The following RBM44 variants were observed in gnomAD, a reference collection of about 807,000 sequenced individuals.
RBM44 encodes the protein RNA binding motif protein 44, also known as RNA-binding protein 44.
Under a neutral mutation model 105.1 loss-of-function variants are expected in RBM44, and 66 were observed. The observed-to-expected ratio is 0.63, with a 90% CI of 0.52 to 0.77. The LOEUF is 0.77. Among genes scored for constraint, RBM44 ranks in the 30% least tolerant of loss-of-function variants. The pLI is 0.00. For missense variants in RBM44, 1,122 were observed against 1,207.8 expected (o/e 0.93, Z 1.05); for synonymous variants, 365 against 417.6 (o/e 0.87, Z 1.54).
chr2:237,812,037 G>T (rs894787244), intron 1 of RBM44, among the ~76,000 whole-genome samples: 2 of 152,008 alleles, frequency 1.3e-5, no homozygotes, highest in African/African-American at 4.8e-5. Flanking sequence ...TGTATTTTTA[G>T]TAGAGACAAG....
chr2:237,818,590 AAAT>A lies in RBM44; in HGVS notation c.1674_1676del (p.Asn558del), dbSNP rs754880069. The A allele has an allele frequency of 6.5e-5, 98 of 1,508,194 alleles. No individual in the cohort carries two copies. The African/African-American group carries it at 1.2e-3, about 19-fold the overall frequency. The allele number at this position is 1,508,194 out of a possible 1,614,324, so 93.4% of individuals were successfully genotyped here. A position where few individuals can be genotyped will look rare whatever the true frequency, so the allele number is the denominator to read the frequency against. Reference sequence around the variant, plus strand: ...GTTTAAAACCTAATGGAAATTTTCTAAATAAGGTAAAATCAATATGAGTAATAA... The same window carrying A: ...GTTTAAAACCTAATGGAAATTTTCTAAAGGTAAAATCAATATGAGTAATAA... On this transcript the variant is annotated inframe_deletion, in exon 3 of 16. Coordinates refer to ENST00000316997, the MANE Select transcript of RBM44 (RefSeq NM_001080504.3). The surrounding 1 kb of genome is among the most constrained non-coding windows in gnomAD (Gnocchi z 4.6).
At chr2:237,827,409 A>T (rs1226919174) in intron 11 of RBM44, 24 bp from the exon 12 acceptor site, 1 of 1,489,764 alleles carries the variant, frequency 6.7e-7, no homozygotes, top group Non-Finnish European at 9.1e-7. Context: ...TACCTTTCAC[A>T]AACTTTTATT....
chr2:237,824,877 G>GT (rs1280620518), intron 10 of RBM44, among the ~76,000 whole-genome samples: 2 of 152,102 alleles, frequency 1.3e-5, no homozygotes, highest in African/African-American at 4.8e-5. Flanking sequence ...GCTTAGAATA[G>GT]TTATAATTTT....
chr2:237,818,481 G>T lies in RBM44; in HGVS notation c.1562G>T (p.Ser521Ile). ...GAGAAACAAAAAAGTGTGGCTTGTA[G>T]TACAGATTGGTCATACAGTGAAGAT... ...QNEKQKSVAC[S>I]TDWSYSEDCI... Residue 521 changes from serine (S) to isoleucine (I), a missense_variant, in exon 3 of 16, where the codon AGT (serine) becomes ATT (isoleucine). Ser to Ile is a moderately radical substitution (Grantham distance 142). Coordinates refer to ENST00000316997, the MANE Select transcript of RBM44 (RefSeq NM_001080504.3). The surrounding 1 kb of genome is among the most constrained non-coding windows in gnomAD (Gnocchi z 4.6). 1 of 1,612,636 alleles carries T rather than the reference G, an allele frequency of 6.2e-7. No individual in the cohort carries two copies. The highest frequency in any genetic ancestry group is 8.5e-7 in the Non-Finnish European group (1 of 1,179,284).
chr2:237,805,184 A>G (rs984625807), intron 1 of RBM44, among the ~76,000 whole-genome samples: 7 of 152,224 alleles, frequency 4.6e-5, no homozygotes. Context: ...TAGCATTTAT[A>G]TACGCCAACA....
chr2:237,806,293 A>C (rs2061598809), intron 1 of RBM44, among the ~76,000 whole-genome samples: 2 of 152,102 alleles, frequency 1.3e-5, no homozygotes. Context: ...AAGGGTTATA[A>C]ATTTTGTCAG....
intron 13 of RBM44, 143 bp downstream of exon 13, chr2:237,829,645 C>A: frequency 1.4e-6 from 1 of 738,288 alleles, no homozygotes. Context: ...TTGAATCCAC[C>A]TCAACCTGCT....
In RBM44 at chr2:237,817,321, T is replaced by G; in HGVS notation, c.402T>G (p.Asp134Glu). ...ESLTPLSSEL[D>E]PEVQKKEEVF... ...TTACTCCTTTAAGTTCAGAATTAGA[T>G]CCTGAAGTGCAGAAAAAAGAGGAGG... The change falls in exon 3 of 16, where the codon GAT becomes GAG. Residue 134 changes from aspartate (D) to glutamate (E), a missense_variant. By Grantham distance (45) the Asp-to-Glu change is conservative. Around this residue, in one of 3 missense-constraint regions of RBM44, gnomAD observed 918 missense variants for 955.3 expected, o/e 0.96. Transcript: ENST00000316997. The G allele has an allele frequency of 1.9e-6, 3 of 1,606,214 alleles. No individual in the cohort carries two copies. Among genetic ancestry groups the G allele is most frequent in the Non-Finnish European group, 2.6e-6 (3 of 1,176,356 alleles).
rs755528116 is a variant in RBM44 at position 237,818,168 on chromosome 2, G to T, written c.1249G>T (p.Ala417Ser). Residue 417 changes from alanine (A) to serine (S), a missense_variant, in exon 3 of 16, where the codon GCA becomes TCA. Ala to Ser is a moderately conservative substitution (Grantham distance 99, BLOSUM62 1). Around this residue, in one of 3 missense-constraint regions of RBM44, gnomAD observed 918 missense variants for 955.3 expected, o/e 0.96. Transcript: ENST00000316997. This position sits in a 1 kb window ranked among gnomAD's most constrained non-coding sequence, Gnocchi z 4.6. ...LDFSAMLPKI[A>S]VRDNQAIEDN... is the part of the protein sequence containing the mutation. Reference sequence around the variant, plus strand: ...TTTTTCTGCTATGCTACCAAAGATCGCAGTCAGAGATAATCAGGCAATAGA... The same window carrying T: ...TTTTTCTGCTATGCTACCAAAGATCTCAGTCAGAGATAATCAGGCAATAGA... 28 of 1,612,860 alleles carry T rather than the reference G, an allele frequency of 1.7e-5. No homozygotes were observed. Among genetic ancestry groups the T allele is most frequent in the Non-Finnish European group, 2.1e-5 (25 of 1,179,432 alleles).
rs1280586804 is a variant in RBM44, at chr2:237,841,451, A to G, written c.*23-388A>G. ...GTAGGAGGAGGGTGAGGATCAAAAC[A>G]CTACCTATCTGGTACCACGCTTATT... On this transcript the variant is annotated intron_variant, in intron 15 of 15. Transcript: ENST00000316997. This position sits in a 1 kb window ranked among gnomAD's most constrained non-coding sequence, Gnocchi z 4.5. 6.6e-6 allele frequency among the ~76,000 whole-genome samples: 1 copy of G among 152,178 alleles called. No homozygotes were observed. The highest frequency in any genetic ancestry group is 1.5e-5 in the Non-Finnish European group (1 of 68,032).
At chr2:237,824,128 A>T (rs1474456046) in intron 9 of RBM44, among the ~76,000 whole-genome samples, 163 bp from the exon 10 acceptor site, 2 of 152,132 alleles carry the variant, frequency 1.3e-5, no homozygotes, top group African/African-American at 4.8e-5. Context: ...CTTCTCAGAG[A>T]ATCTTTTTGC....
intron 10 of RBM44, among the ~76,000 whole-genome samples, chr2:237,826,880 G>A (rs182475192): frequency 1.8e-4 from 27 of 152,160 alleles, no homozygotes; most frequent in Admixed American, 1.0e-3. Context: ...TGCAAATACT[G>A]TGCCATTTTA....
At chr2:237,821,277 T>C in intron 6 of RBM44, 23 bp downstream of exon 6, 1 of 1,556,064 alleles carries the variant, frequency 6.4e-7, no homozygotes, top group East Asian at 2.3e-5. Flanking sequence ...GTTTTAGAAA[T>C]AAAAAATTTT....
At position 237,817,636 on chromosome 2, in the gene RBM44, G is replaced by A. The variant is rs202227950; in HGVS notation, c.717G>A (p.Ser239=). The A allele has an allele frequency of 9.3e-6, 15 of 1,612,842 alleles. No homozygotes were observed. Among genetic ancestry groups the A allele is most frequent in the African/African-American group, 6.7e-5 (5 of 74,964 alleles). ...ASNVEDNRVN[S]GSGSIISFDS... The stretch of plus-strand genomic sequence containing the variant: ...ATGTAGAAGATAATCGTGTTAACTC[G>A]GGAAGTGGTTCTATCATCTCTTTCG... The change falls in exon 3 of 16, where the codon TCG becomes TCA. Residue 239 remains serine (S), a synonymous_variant. Transcript: ENST00000316997.
rs1559913864 is a variant in RBM44 at position 237,818,990 on chromosome 2, T to TATG, written c.1736+31_1736+32insATG. 2.1e-5 allele frequency: 25 copies of TATG among 1,184,322 alleles called. No homozygotes were observed. The highest frequency in any genetic ancestry group is 2.9e-5 in the Non-Finnish European group (24 of 838,140). The allele number at this position is 1,184,322 out of a possible 1,614,324, so 73.4% of individuals were successfully genotyped here. ...TCATTTATATATGCTTACAGATACA[T>TATG]CTGGAAGAAAAAATCAAAATAGTAT... On this transcript the variant is annotated intron_variant, in intron 4 of 15. Coordinates refer to ENST00000316997, the MANE Select transcript of RBM44 (RefSeq NM_001080504.3). The surrounding 1 kb of genome is among the most constrained non-coding windows in gnomAD (Gnocchi z 4.6).
At chr2:237,835,637 A>G (rs1194292531) in intron 15 of RBM44, among the ~76,000 whole-genome samples, 3 of 152,238 alleles carry the variant, frequency 2.0e-5, no homozygotes, top group Non-Finnish European at 2.9e-5. Flanking sequence ...CTTAAGCCAA[A>G]GCCTAATTCA....
intron 4 of RBM44, 128 bp downstream of exon 4, chr2:237,819,087 A>G: frequency 2.2e-6 from 1 of 457,608 alleles, no homozygotes; most frequent in Non-Finnish European, 4.0e-6. Flanking sequence ...CATCTGTTTC[A>G]ACCGTTTGCA....
intron 1 of RBM44, among the ~76,000 whole-genome samples, chr2:237,811,568 C>G (rs1391858016): frequency 1.3e-5 from 2 of 152,066 alleles, no homozygotes; most frequent in East Asian, 3.9e-4. Flanking sequence ...CCGTGCCCAG[C>G]TACCATTTCT....
At chr2:237,812,018 C>G (rs923893458) in intron 1 of RBM44, among the ~76,000 whole-genome samples, 1 of 152,092 alleles carries the variant, frequency 6.6e-6, no homozygotes, top group African/African-American at 2.4e-5. Context: ...CCACACCCAG[C>G]TAATTGTTTG....
Sources: allele counts gnomAD v4.1 joint callset (sites outside exome capture counted in the v4.1 genomes callset), GRCh38; gene constraint gnomAD v4.1.1; regional missense constraint gnomAD v4.1.1; non-coding constraint Gnocchi (gnomAD v3.1); transcripts MANE v1.5; gene names NCBI Gene and HGNC (gene_info 2026-07-23, HGNC 2026-07-21).